Variants in CDH18 observed in about 807,000 individuals in gnomAD.
CDH18 encodes the protein cadherin 18, also known as cadherin-18.
CDH18 carries 31 observed loss-of-function variants against 67.9 expected under a neutral mutation model. That is an observed-to-expected ratio of 0.46 (90% confidence interval 0.34 to 0.62). CDH18 has a LOEUF of 0.62. CDH18 is among the 20% of genes least tolerant of loss of function. The probability of loss-of-function intolerance (pLI) is 0.01; values close to 1 mark genes in which losing one functional copy is unlikely to be tolerated. For missense variants in CDH18, 890 were observed against 975.5 expected (o/e 0.91, Z 1.17); for synonymous variants, 362 against 347.2 (o/e 1.04, Z -0.48).
intron 2 of CDH18, among the ~76,000 whole-genome samples, chr5:19,974,393 T>C (rs1798303269): frequency 6.6e-6 from 1 of 151,534 alleles, no homozygotes; most frequent in South Asian, 2.1e-4. Flanking sequence ...TAGCCAGGCA[T>C]GGTCATGTGC....
chr5:19,552,888 C>T (rs1044441721), intron 8 of CDH18, among the ~76,000 whole-genome samples: 2 of 152,066 alleles, frequency 1.3e-5, no homozygotes, highest in South Asian at 2.1e-4. Flanking sequence ...ATTTCTACAC[C>T]ACTCTTTGTT....
At position 19,848,395 on chromosome 5, in the gene CDH18, T is replaced by C. The variant is rs201270742; in HGVS notation, c.-256-9153A>G. Among the ~76,000 whole-genome samples, 13 of 152,240 alleles carry C rather than the reference T, an allele frequency of 8.5e-5. No individual in the cohort carries two copies. In the East Asian group the frequency reaches 2.5e-3, roughly 29 times the overall value. On this transcript the variant is annotated intron_variant, in intron 2 of 12. Coordinates refer to ENST00000382275, the MANE Select transcript of CDH18 (RefSeq NM_004934.5). Reference sequence around the variant, plus strand: ...ATGATGAGAGGGTGCCACACTTTCCTATCAGCTTAGATTCAGTTAGTTTCA... The same window carrying C: ...ATGATGAGAGGGTGCCACACTTTCCCATCAGCTTAGATTCAGTTAGTTTCA...
chr5:19,602,586 T>G (rs560183933), intron 6 of CDH18, among the ~76,000 whole-genome samples: 1 of 152,072 alleles, frequency 6.6e-6, no homozygotes, highest in South Asian at 2.1e-4. Context: ...GGTGAGGATG[T>G]GGAGAAATTA....
intron 3 of CDH18, among the ~76,000 whole-genome samples, chr5:19,810,672 TAATC>T (rs963168611): frequency 6.6e-5 from 10 of 152,078 alleles, no homozygotes; most frequent in South Asian, 2.1e-4. Context: ...GTAAAAATCT[TAATC>T]AATTAAAAAG....
chr5:20,337,561 C>T (rs886974735), intron 1 of CDH18, among the ~76,000 whole-genome samples: 1 of 152,316 alleles, frequency 6.6e-6, no homozygotes, highest in African/African-American at 2.4e-5. Context: ...TGCTCCTGTT[C>T]CCAACAAATT....
At chr5:19,942,067 T>TC (rs981118312) in intron 2 of CDH18, among the ~76,000 whole-genome samples, 4 of 151,972 alleles carry the variant, frequency 2.6e-5, no homozygotes, top group Non-Finnish European at 5.9e-5. Flanking sequence ...AAAGCAGACT[T>TC]CAAAAAAATA....
chr5:19,689,126 T>A (rs1761503989), intron 5 of CDH18, among the ~76,000 whole-genome samples: 1 of 152,004 alleles, frequency 6.6e-6, no homozygotes. Context: ...AAATAATAAC[T>A]GAAAACCTCC....
chr5:20,552,269 G>A (rs1757672804), intron 1 of CDH18, among the ~76,000 whole-genome samples: 1 of 151,910 alleles, frequency 6.6e-6, no homozygotes. Context: ...TTGGGGTCAG[G>A]GGTTCAAGAC....
intron 2 of CDH18, among the ~76,000 whole-genome samples, chr5:20,000,291 T>TA (rs1219293606): frequency 3.3e-5 from 5 of 152,150 alleles, no homozygotes; most frequent in Non-Finnish European, 7.3e-5. Flanking sequence ...TGTTATAAGA[T>TA]AAAAAAGCTG....
At chr5:20,015,325 G>C (rs997168097) in intron 2 of CDH18, among the ~76,000 whole-genome samples, 3 of 152,046 alleles carry the variant, frequency 2.0e-5, no homozygotes, top group Non-Finnish European at 2.9e-5. Context: ...TTTTCCCAGA[G>C]GGCTGAGTAA....
At chr5:20,017,325 T>C (rs1737962568) in intron 2 of CDH18, among the ~76,000 whole-genome samples, 1 of 152,122 alleles carries the variant, frequency 6.6e-6, no homozygotes, top group African/African-American at 2.4e-5. Context: ...TTTATAAGAA[T>C]TTTTTCACTT....
chr5:19,937,203 A>G (rs1009012509), intron 2 of CDH18, among the ~76,000 whole-genome samples: 32 of 151,364 alleles, frequency 2.1e-4, no homozygotes, highest in African/African-American at 7.0e-4. Context: ...TTGTAACTAT[A>G]TAATTATGGT....
chr5:20,151,377 T>C (rs1379690309), intron 2 of CDH18, among the ~76,000 whole-genome samples: 1 of 152,164 alleles, frequency 6.6e-6, no homozygotes, highest in Admixed American at 6.6e-5. Context: ...ATTTTCTGTA[T>C]CCAATTTGCC....
chr5:20,440,480 G>A (rs954553727), intron 1 of CDH18, among the ~76,000 whole-genome samples: 5 of 151,874 alleles, frequency 3.3e-5, no homozygotes, highest in Middle Eastern at 3.4e-3. Flanking sequence ...TAGGTCCTCC[G>A]TTTGATGAGA....
intron 5 of CDH18, among the ~76,000 whole-genome samples, chr5:19,632,294 G>A (rs894792403): frequency 6.6e-6 from 1 of 152,132 alleles, no homozygotes; most frequent in Non-Finnish European, 1.5e-5. Flanking sequence ...AGTGAATTCA[G>A]AATGGTGAGC....
intron 2 of CDH18, among the ~76,000 whole-genome samples, chr5:20,156,176 A>T (rs1309473064): frequency 2.0e-5 from 3 of 152,042 alleles, no homozygotes; most frequent in African/African-American, 7.2e-5. Flanking sequence ...CAGCATGGAG[A>T]TTTCTCAAAA....
chr5:19,692,759 G>C (rs1460404672), intron 5 of CDH18, among the ~76,000 whole-genome samples: 1 of 151,558 alleles, frequency 6.6e-6, no homozygotes. Context: ...CAGAGAATAG[G>C]GAACTCTTAT....
chr5:20,384,659 A>T (rs531909891), intron 1 of CDH18, among the ~76,000 whole-genome samples: 7 of 152,134 alleles, frequency 4.6e-5, no homozygotes, highest in Non-Finnish European at 8.8e-5. Flanking sequence ...ATAAGCTTCC[A>T]TAGTGTTTTC....
At chr5:20,251,975 A>G (rs1052133160) in intron 2 of CDH18, among the ~76,000 whole-genome samples, 5 of 152,194 alleles carry the variant, frequency 3.3e-5, no homozygotes, top group African/African-American at 1.2e-4. Context: ...AGTGTACTTT[A>G]CACAAAGTAA....
Sources: gnomAD v4.1 joint callset for allele counts (sites outside exome capture counted in the v4.1 genomes callset) on GRCh38, gnomAD v4.1.1 for gene constraint, MANE v1.5 for transcripts, NCBI Gene and HGNC (gene_info 2026-07-23, HGNC 2026-07-21) for gene names.